MTA3: variants seen among roughly 807,000 people sequenced by gnomAD.
MTA3 encodes metastasis associated 1 family member 3.
MTA3 carries 34 observed loss-of-function variants against 83.5 expected under a neutral mutation model. The observed-to-expected ratio is 0.41, with a 90% CI of 0.31 to 0.54. The LOEUF (loss-of-function observed/expected upper bound fraction) is 0.54. Among genes scored for constraint, MTA3 ranks in the 20% least tolerant of loss-of-function variants. The pLI, the probability that MTA3 is intolerant of heterozygous loss-of-function variation, is 0.33. For synonymous variants in MTA3, 303 were observed against 252.7 expected (o/e 1.20, Z -1.89); for missense variants, 761 against 726.4 (o/e 1.05, Z -0.55).
chr2:42,640,266 T>C, intron 5 of MTA3, 30 bp downstream of exon 5: 2 of 1,493,104 alleles, frequency 1.3e-6, no homozygotes, highest in Non-Finnish European at 1.8e-6. Context: ...GTTTTGTTTT[T>C]TTCTCCCTTT....
chr2:42,557,566 A>G (rs1677456933), intron 2 of MTA3, among the ~76,000 whole-genome samples: 1 of 152,190 alleles, frequency 6.6e-6, no homozygotes, highest in Admixed American at 6.6e-5. Flanking sequence ...GTTGCCACTA[A>G]TAATATAGTC....
chr2:42,543,926 A>G (rs1192214402), intron 2 of MTA3, among the ~76,000 whole-genome samples: 1 of 151,950 alleles, frequency 6.6e-6, no homozygotes, highest in Non-Finnish European at 1.5e-5. Context: ...CTTGGGCTCA[A>G]GTGGTCCTCC....
chr2:42,753,377 T>G lies in MTA3; in HGVS notation c.1763T>G (p.Leu588Arg). 1 of 1,550,624 alleles carries G rather than the reference T, an allele frequency of 6.4e-7. No individual in the cohort carries two copies. The highest frequency in any genetic ancestry group is 8.7e-7 in the Non-Finnish European group (1 of 1,146,988). ...CACTGTTACTTCCCTTTTCTAGAAC[T>G]CACGTGCTGTGTGTCAGACTGAGCT... The part of the protein sequence containing the change: ...NYSHHNGLDE[L>R]TCCVSD The change falls in exon 17 of 17, where the codon CTC (leucine) becomes CGC (arginine). Residue 588 changes from leucine (L) to arginine (R), a missense_variant. Leu to Arg is a moderately radical substitution (Grantham distance 102). Transcript: ENST00000405094.
intron 4 of MTA3, among the ~76,000 whole-genome samples, chr2:42,625,466 G>T (rs1685981080): frequency 1.3e-5 from 2 of 150,988 alleles, no homozygotes; most frequent in African/African-American, 4.9e-5. Flanking sequence ...TGTTTTATGG[G>T]CCGGGCACAG....
intron 2 of MTA3, among the ~76,000 whole-genome samples, chr2:42,521,658 T>C (rs1339143541): frequency 6.6e-6 from 1 of 151,686 alleles, no homozygotes; most frequent in Non-Finnish European, 1.5e-5. Context: ...AGCCCTTTCC[T>C]CTCATTAATT....
intron 3 of MTA3, among the ~76,000 whole-genome samples, chr2:42,592,118 G>A (rs1334710595): frequency 6.6e-6 from 1 of 152,102 alleles, no homozygotes; most frequent in African/African-American, 2.4e-5. Context: ...ATAAAAATTA[G>A]CCGGGTTTGG....
intron 16 of MTA3, among the ~76,000 whole-genome samples, chr2:42,746,318 C>T (rs1470181629): frequency 1.3e-5 from 2 of 152,022 alleles, no homozygotes; most frequent in Non-Finnish European, 2.9e-5. Flanking sequence ...TTTTAAAAGC[C>T]CTATTAAGGG....
intron 8 of MTA3, among the ~76,000 whole-genome samples, chr2:42,661,771 A>AAT (rs1689740336): frequency 6.6e-6 from 1 of 152,168 alleles, no homozygotes; most frequent in Admixed American, 6.5e-5. Flanking sequence ...AGCAAATTAC[A>AAT]GAATAGTATA....
intron 3 of MTA3, among the ~76,000 whole-genome samples, chr2:42,597,869 A>G (rs1682014640): frequency 1.3e-5 from 2 of 150,960 alleles, no homozygotes; most frequent in Admixed American, 6.6e-5. Context: ...TTTTGTAGAG[A>G]CAGGGTTTTG....
chr2:42,661,796 A>G (rs1362783035), intron 8 of MTA3, among the ~76,000 whole-genome samples: 4 of 152,200 alleles, frequency 2.6e-5, no homozygotes, highest in Admixed American at 6.5e-5. Context: ...ATAATGTAAT[A>G]AAACTCCATA....
At chr2:42,603,336 G>A (rs1682817837) in intron 3 of MTA3, among the ~76,000 whole-genome samples, 2 of 152,036 alleles carry the variant, frequency 1.3e-5, no homozygotes. Flanking sequence ...GATGGATGGT[G>A]CTCTGTTGGT....
chr2:42,640,207 G>C lies in MTA3; in HGVS notation c.352G>C (p.Glu118Gln). The change falls in exon 5 of 17, where the codon GAA becomes CAA. Residue 118 changes from glutamate to glutamine, a missense_variant. Physicochemically the swap from Glu to Gln is conservative, Grantham distance 29 (BLOSUM62 2). Transcript: ENST00000405094. ...CAGTGTTGCCCTTCTGAATGAGACA[G>C]AATCAGTATTGTCATATCTTGATAA... ...KCSVALLNET[E>Q]SVLSYLDKED... 3 of 1,608,444 alleles carry C rather than the reference G, an allele frequency of 1.9e-6. No homozygotes were observed. The African/African-American group carries it at 4.0e-5, about 21-fold the overall frequency.
chr2:42,528,061 A>G (rs1675799613), intron 2 of MTA3, among the ~76,000 whole-genome samples: 1 of 152,016 alleles, frequency 6.6e-6, no homozygotes, highest in South Asian at 2.1e-4. Context: ...AATAGCTGGG[A>G]CTACAGGCAC....
intron 9 of MTA3, among the ~76,000 whole-genome samples, chr2:42,688,923 A>C (rs1052991404): frequency 6.6e-6 from 1 of 151,788 alleles, no homozygotes; most frequent in Non-Finnish European, 1.5e-5. Flanking sequence ...GGGGAAATTC[A>C]TTCATTTTTT....
At position 42,755,409 on chromosome 2, in the gene MTA3, G is replaced by A; in HGVS notation, c.*2010G>A. The A allele has an allele frequency of 1.0e-6, 1 of 985,476 alleles. No individual in the cohort carries two copies. Among genetic ancestry groups the A allele is most frequent in the Non-Finnish European group, 1.2e-6 (1 of 829,956 alleles). The allele number at this position is 985,476 out of a possible 1,614,324, so 61.0% of individuals were successfully genotyped here. A position where few individuals can be genotyped will look rare whatever the true frequency, so the allele number is the denominator to read the frequency against. On this transcript the variant is annotated 3_prime_UTR_variant, in exon 17 of 17. Coordinates refer to ENST00000405094, the MANE Select transcript of MTA3 (RefSeq NM_001330442.2). ...TGGAGACAGGAGTCAGGCCAGGTCTGAAGCAGGAGAAGGGAGGCCCCTCCT... is the reference window on the plus strand; with the variant it reads ...TGGAGACAGGAGTCAGGCCAGGTCTAAAGCAGGAGAAGGGAGGCCCCTCCT...
chr2:42,505,925 C>T (rs543179928), intron 2 of MTA3, among the ~76,000 whole-genome samples: 3 of 151,894 alleles, frequency 2.0e-5, no homozygotes, highest in Admixed American at 6.6e-5. Context: ...CCTGCCACCA[C>T]GCCTGGCTAA....
intron 3 of MTA3, among the ~76,000 whole-genome samples, chr2:42,601,835 ACTGCCAGCTGTTTTTGT>A (rs1682615390): frequency 6.6e-6 from 1 of 152,100 alleles, no homozygotes; most frequent in Non-Finnish European, 1.5e-5. Context: ...GTGCACCACC[ACTGCCAGCTGTTTTTGT>A]CTGATCCCAT....
chr2:42,741,576 T>A (rs929137920), intron 16 of MTA3, among the ~76,000 whole-genome samples: 3 of 149,656 alleles, frequency 2.0e-5, no homozygotes, highest in Non-Finnish European at 4.4e-5. Flanking sequence ...AATTTTGATA[T>A]TGTTGTGTCT....
At chr2:42,562,951 T>G (rs1309130155) in intron 2 of MTA3, among the ~76,000 whole-genome samples, 1 of 152,130 alleles carries the variant, frequency 6.6e-6, no homozygotes, top group Non-Finnish European at 1.5e-5. Flanking sequence ...CTCACTGATC[T>G]CTACTTACAG....
Sources: allele counts gnomAD v4.1 joint callset (sites outside exome capture counted in the v4.1 genomes callset), GRCh38; gene constraint gnomAD v4.1.1; transcripts MANE v1.5; gene names NCBI Gene and HGNC (gene_info 2026-07-23, HGNC 2026-07-21).